Variants in MYOM1 observed in about 807,000 individuals in gnomAD.
MYOM1 encodes myomesin 1.
MYOM1 carries 164 observed loss-of-function variants against 205.3 expected under a neutral mutation model. The ratio of observed to expected loss-of-function variants is 0.80; its 90% CI spans 0.70 to 0.91. MYOM1 has a LOEUF of 0.91. Ranked by LOEUF, MYOM1 falls within the 40% of genes least tolerant of loss-of-function variation. The probability of loss-of-function intolerance (pLI) is 0.00; values close to 1 mark genes in which losing one functional copy is unlikely to be tolerated. For synonymous variants in MYOM1, 772 were observed against 789.4 expected, an observed-to-expected ratio of 0.98 and a Z score of 0.37; for missense variants, 2,011 against 2,127.3, an observed-to-expected ratio of 0.95 and a Z score of 1.08.
chr18:3,177,567 G>A (rs1288335662), intron 5 of MYOM1, among the ~76,000 whole-genome samples: 1 of 151,822 alleles, frequency 6.6e-6, no homozygotes, highest in Non-Finnish European at 1.5e-5. Flanking sequence ...CACCTCCCGG[G>A]TTCAAGTGAT....
At chr18:3,132,175 G>A (rs1000073338) in intron 16 of MYOM1, among the ~76,000 whole-genome samples, 16 of 146,450 alleles carry the variant, frequency 1.1e-4, no homozygotes, top group African/African-American at 3.5e-4. Context: ...ATTTTGAGAC[G>A]GAGTCTCGCT....
the MYOM1 span, among the ~76,000 whole-genome samples, chr18:3,231,573 C>A: frequency 1.6e-3 from 200 of 126,008 alleles, 1 homozygote; most frequent in African/African-American, 6.0e-3. Flanking sequence ...GAATTTCACT[C>A]TTGCTGCCCA....
intron 9 of MYOM1, among the ~76,000 whole-genome samples, chr18:3,165,785 C>T (rs1018213629): frequency 6.6e-5 from 10 of 152,176 alleles, no homozygotes; most frequent in Non-Finnish European, 8.8e-5. Flanking sequence ...GCCTCCATGC[C>T]GAGCCCCTTC....
intron 11 of MYOM1, among the ~76,000 whole-genome samples, chr18:3,154,068 C>T (rs772137615): frequency 7.9e-5 from 12 of 152,034 alleles, no homozygotes; most frequent in African/African-American, 1.2e-4. Context: ...CTTTGTATAA[C>T]TTGAAAACAC....
At chr18:3,105,920 T>C (rs1055348165) in intron 22 of MYOM1, among the ~76,000 whole-genome samples, 2 of 152,162 alleles carry the variant, frequency 1.3e-5, no homozygotes, top group African/African-American at 2.4e-5. Flanking sequence ...GCAAAGAATA[T>C]AGAGCTGAAT....
rs920532350 is a variant in MYOM1 at position 3,094,263 on chromosome 18, T to G, written c.3771A>C (p.Lys1257Asn). The G allele has an allele frequency of 1.2e-6, 2 of 1,613,750 alleles. No homozygotes were observed. Among genetic ancestry groups the G allele is most frequent in the Non-Finnish European group, 1.7e-6 (2 of 1,179,838 alleles). Residue 1257 changes from lysine (K) to asparagine (N), a missense_variant, in exon 26 of 38, where the codon AAA (lysine) becomes AAC (asparagine). By Grantham distance (94) the Lys-to-Asn change is moderately conservative. Coordinates refer to ENST00000356443, the MANE Select transcript of MYOM1 (RefSeq NM_003803.4). ...KSELAVEILE[K>N]GQVRFWMQAE... ...CCTGCATCCAAAACCGGACCTGGCC[T>G]TTCTCCAAAATTTCAACTGCCAACT... is the stretch of plus-strand genomic sequence containing the variant.
chr18:3,105,072 T>G (rs904634580), intron 22 of MYOM1, among the ~76,000 whole-genome samples: 1 of 152,068 alleles, frequency 6.6e-6, no homozygotes, highest in Non-Finnish European at 1.5e-5. Context: ...ATACTTTGCT[T>G]GAGACAATTC....
intron 2 of MYOM1, among the ~76,000 whole-genome samples, chr18:3,199,404 T>C (rs1242266584): frequency 1.3e-5 from 2 of 152,186 alleles, no homozygotes; most frequent in Non-Finnish European, 2.9e-5. Context: ...GGGTCCTTCA[T>C]AAGCTCTCCA....
chr18:3,130,339 G>A (rs190514274), intron 17 of MYOM1, among the ~76,000 whole-genome samples: 148 of 152,038 alleles, frequency 9.7e-4, no homozygotes, highest in Non-Finnish European at 1.6e-3. Context: ...CACTGTGCCC[G>A]ATCCCTATGT....
intron 25 of MYOM1, among the ~76,000 whole-genome samples, chr18:3,097,277 C>A (rs2079317568): frequency 6.6e-6 from 1 of 152,200 alleles, no homozygotes; most frequent in South Asian, 2.1e-4. Context: ...AAGATATTCA[C>A]CTTGTGACCT....
chr18:3,145,429 A>G (rs1432138375), intron 13 of MYOM1, among the ~76,000 whole-genome samples: 2 of 152,236 alleles, frequency 1.3e-5, no homozygotes, highest in African/African-American at 4.8e-5. Context: ...AACACAAAAT[A>G]TGTTCTATTT....
intron 36 of MYOM1, among the ~76,000 whole-genome samples, chr18:3,073,044 C>T (rs955174278): frequency 7.0e-6 from 1 of 142,250 alleles, no homozygotes; most frequent in Non-Finnish European, 1.5e-5. Context: ...AACTCCTGGG[C>T]TCCAGCCATC....
At chr18:3,109,383 C>T (rs1045591447) in intron 22 of MYOM1, among the ~76,000 whole-genome samples, 1 of 152,146 alleles carries the variant, frequency 6.6e-6, no homozygotes, top group African/African-American at 2.4e-5. Flanking sequence ...CCTAAAGAGG[C>T]ATATTCTCTC....
Position 3,067,179 on chromosome 18 carries a change from G to C in MYOM1, c.*83C>G. On this transcript the variant is annotated 3_prime_UTR_variant, in exon 38 of 38. Coordinates refer to ENST00000356443, the MANE Select transcript of MYOM1 (RefSeq NM_003803.4). Reference sequence around the variant, plus strand: ...TCAAGCCAGAAAATAATAGGGAGGAGAAAGCATGAAGACGTCTCATCCTTA... The same window carrying C: ...TCAAGCCAGAAAATAATAGGGAGGACAAAGCATGAAGACGTCTCATCCTTA... The C allele has an allele frequency of 2.9e-6, 4 of 1,400,028 alleles. No individual in the cohort carries two copies. The highest frequency in any genetic ancestry group is 3.8e-6 in the Non-Finnish European group (4 of 1,041,076). The allele number at this position is 1,400,028 out of a possible 1,614,324, so 86.7% of individuals were successfully genotyped here.
intron 6 of MYOM1, 99 bp downstream of exon 6, chr18:3,175,943 C>T: frequency 1.4e-6 from 1 of 740,504 alleles, no homozygotes; most frequent in Non-Finnish European, 2.4e-6. Context: ...TGTGATCACA[C>T]AGCATTGGGA....
At chr18:3,087,962 C>T (rs189440993) in intron 29 of MYOM1, among the ~76,000 whole-genome samples, 15 of 152,228 alleles carry the variant, frequency 9.9e-5, no homozygotes, top group Admixed American at 7.2e-4. Context: ...AAGAGCTATG[C>T]GAAGACAGAG....
upstream of MYOM1, among the ~76,000 whole-genome samples, chr18:3,224,612 C>A (rs2081344854): frequency 6.6e-6 from 1 of 152,164 alleles, no homozygotes; most frequent in Non-Finnish European, 1.5e-5. Flanking sequence ...GAAGCACAAA[C>A]ATAATTTGTT....
chr18:3,239,148 T>C, the MYOM1 span, among the ~76,000 whole-genome samples: 1 of 152,206 alleles, frequency 6.6e-6, no homozygotes, highest in African/African-American at 2.4e-5. Flanking sequence ...ACAGCATTCA[T>C]GTTGATGGGG....
the MYOM1 span, among the ~76,000 whole-genome samples, chr18:3,227,815 CA>C: frequency 6.0e-5 from 9 of 150,138 alleles, no homozygotes; most frequent in Admixed American, 4.0e-4. Context: ...GACTCCATCT[CA>C]AAAAAAAATT....
Sources: allele counts gnomAD v4.1 joint callset (sites outside exome capture counted in the v4.1 genomes callset), GRCh38; gene constraint gnomAD v4.1.1; transcripts MANE v1.5; gene names NCBI Gene and HGNC (gene_info 2026-07-23, HGNC 2026-07-21).